FBN3: variants seen among roughly 807,000 people sequenced by gnomAD.
FBN3 encodes the protein fibrillin-3.
Under a neutral mutation model 330.1 loss-of-function variants are expected in FBN3, and 234 were observed. That is an observed-to-expected ratio of 0.71 (90% CI 0.64 to 0.79). FBN3 has a LOEUF of 0.79. Ranked by LOEUF, FBN3 falls within the 30% of genes least tolerant of loss-of-function variation. The probability of loss-of-function intolerance (pLI) is 0.00; values close to 1 mark genes in which losing one functional copy is unlikely to be tolerated. For missense variants in FBN3, 3,606 were observed against 3,886.9 expected (o/e 0.93, Z 1.92); for synonymous variants, 1,458 against 1,517.3 (o/e 0.96, Z 0.91).
At position 8,066,217 on chromosome 19, in the gene FBN3, C is replaced by T; in HGVS notation, c.8132G>A (p.Gly2711Asp). ...CCGGCCCAGGTGTGAGAGGTTCAGG[C>T]CCAAGGTCAGCAGGGCCTCGGAGTC... is the stretch of plus-strand genomic sequence containing the variant. Reference protein sequence around the residue: ...TLDSEALLTLGLNLSHLGRAE... With the variant: ...TLDSEALLTLDLNLSHLGRAE... The change falls in exon 64 of 64, where the codon GGC (glycine) becomes GAC (aspartate). Residue 2711 changes from glycine (G) to aspartate (D), a missense_variant. Transcript: ENST00000600128. 6.3e-7 allele frequency: 1 copy of T among 1,596,326 alleles called. No homozygotes were observed. The highest frequency in any genetic ancestry group is 1.1e-5 in the South Asian group (1 of 90,462).
At position 8,111,662 on chromosome 19, in the gene FBN3, C is replaced by CT; in HGVS notation, c.4069_4070insA (p.Gly1357GlufsTer9). On this transcript the variant is annotated frameshift_variant, in exon 32 of 64. Coordinates refer to ENST00000600128, the MANE Select transcript of FBN3 (RefSeq NM_032447.5). LOFTEE classifies it high-confidence loss of function. ...TCTAATCTCACCTTCGCAGAAGAAG[C>CT]CATCCCCGGCAAAGCCCTGGCGGCA... 6.3e-7 allele frequency: 1 copy of CT among 1,599,444 alleles called. No homozygotes were observed. Among genetic ancestry groups the CT allele is most frequent in the Non-Finnish European group, 8.5e-7 (1 of 1,170,882 alleles).
rs2081565429 is a variant in FBN3 at position 8,073,264 on chromosome 19, C to T, written c.7736G>A (p.Cys2579Tyr). 1 of 1,613,786 alleles carries T rather than the reference C, an allele frequency of 6.2e-7. No individual in the cohort carries two copies. Reference sequence around the variant, plus strand: ...AGTGTTGCGACAGGAGGCGCTCCCGCAGGTGGGGGGCGACAGGGCACACTC... The same window carrying T: ...AGTGTTGCGACAGGAGGCGCTCCCGTAGGTGGGGGGCGACAGGGCACACTC... ...ENECALSPPT[C>Y]GSASCRNTLG... is the part of the protein sequence containing the mutation. Residue 2579 changes from cysteine to tyrosine, a missense_variant, in exon 62 of 64, where the codon TGC (cysteine) becomes TAC (tyrosine). By Grantham distance (194) the Cys-to-Tyr change is radical (BLOSUM62 -2). Coordinates refer to ENST00000600128, the MANE Select transcript of FBN3 (RefSeq NM_032447.5).
chr19:8,098,252 A>C (rs902063065), intron 41 of FBN3, among the ~76,000 whole-genome samples: 2 of 152,188 alleles, frequency 1.3e-5, no homozygotes, highest in African/African-American at 4.8e-5. Flanking sequence ...CTAAGTGTCC[A>C]TCAATGGGGG....
intron 19 of FBN3, 49 bp downstream of exon 19, chr19:8,126,664 C>A: frequency 6.3e-7 from 1 of 1,590,754 alleles, no homozygotes; most frequent in Non-Finnish European, 8.6e-7. Flanking sequence ...GCACCCTGAC[C>A]CATAGACGCC....
chr19:8,075,026 G>C (rs1224089737), intron 61 of FBN3, 45 bp downstream of exon 61: 1 of 1,584,340 alleles, frequency 6.3e-7, no homozygotes, highest in South Asian at 1.2e-5. Flanking sequence ...GCTCTGAGCA[G>C]ATTCTGGTGG....
At chr19:8,086,602 G>A (rs2144664587) in intron 54 of FBN3, among the ~76,000 whole-genome samples, 1 of 147,104 alleles carries the variant, frequency 6.8e-6, no homozygotes, top group African/African-American at 2.5e-5. Flanking sequence ...GATTACAGGT[G>A]CCCGCCGCCA....
rs747158198 is a variant in FBN3, at chr19:8,111,192, C to A, written c.4085-9G>T. On this transcript the variant is annotated splice_polypyrimidine_tract_variant and intron_variant, in intron 32 of 63. Transcript: ENST00000600128. ...GGCACATTCATCCCTGTCTGAGGGG[C>A]CCCAAGATTCGGAGGGCTGGAGGCC... 1.0e-5 allele frequency: 16 copies of A among 1,582,188 alleles called. No homozygotes were observed. The Admixed American group carries it at 2.6e-4, about 26-fold the overall frequency.
At chr19:8,074,808 G>A in intron 61 of FBN3, 1 of 436,788 alleles carries the variant, frequency 2.3e-6, no homozygotes, top group Non-Finnish European at 4.1e-6. Flanking sequence ...TCACAAAATT[G>A]CAGACTTCAG....
intron 47 of FBN3, among the ~76,000 whole-genome samples, chr19:8,093,496 G>T (rs1402954740): frequency 6.6e-6 from 1 of 152,170 alleles, no homozygotes; most frequent in African/African-American, 2.4e-5. Flanking sequence ...GGTGGCGGGC[G>T]CCTGTAGTCC....
intron 13 of FBN3, among the ~76,000 whole-genome samples, chr19:8,134,309 T>C (rs929686633): frequency 6.6e-6 from 1 of 152,120 alleles, no homozygotes; most frequent in South Asian, 2.1e-4. Flanking sequence ...ACATGAGCAT[T>C]CACAGAAGCA....
chr19:8,148,423 A>G (rs1229136368), intron 1 of FBN3, among the ~76,000 whole-genome samples: 1 of 152,078 alleles, frequency 6.6e-6, no homozygotes, highest in Admixed American at 6.6e-5. Context: ...AGATGCACAA[A>G]CTAAGGCCAT....
rs540346606 is a variant in FBN3, at chr19:8,121,416, C to A, written c.3083-30G>T. ...GGGGAGAGGGGGCAGAGGCCGGAGGCGCCATGTGGGCCGCATCATGGGGCA... is the reference window on the plus strand; with the variant it reads ...GGGGAGAGGGGGCAGAGGCCGGAGGAGCCATGTGGGCCGCATCATGGGGCA... On this transcript the variant is annotated intron_variant, in intron 24 of 63. Coordinates refer to ENST00000600128, the MANE Select transcript of FBN3 (RefSeq NM_032447.5). The surrounding 1 kb of genome is among the most constrained non-coding windows in gnomAD (Gnocchi z 4.5). The A allele has an allele frequency of 6.4e-7, 1 of 1,561,006 alleles. No homozygotes were observed. The highest frequency in any genetic ancestry group is 1.9e-5 in the Admixed American group (1 of 53,230).
intron 55 of FBN3, 82 bp from the exon 56 acceptor site, chr19:8,085,651 T>C (rs1262226269): frequency 1.7e-6 from 2 of 1,151,052 alleles, no homozygotes; most frequent in East Asian, 5.5e-5. Flanking sequence ...TGGGGCAAGC[T>C]GTATTTTGGG....
At chr19:8,133,541 C>T (rs530673633) in intron 13 of FBN3, among the ~76,000 whole-genome samples, 5 of 152,124 alleles carry the variant, frequency 3.3e-5, no homozygotes, top group African/African-American at 4.8e-5. Flanking sequence ...ACCTCCGCCT[C>T]GCGGGTTCAA....
chr19:8,139,858 G>A, intron 8 of FBN3, among the ~76,000 whole-genome samples: 1 of 151,930 alleles, frequency 6.6e-6, no homozygotes, highest in East Asian at 2.0e-4. Context: ...CCCAGCAGCT[G>A]GGAGGGCCAC....
In FBN3 at chr19:8,130,641, A is replaced by AAAGAAAGG. The variant is rs1568440396; in HGVS notation, c.2044+593_2044+594insCCTTTCTT. On this transcript the variant is annotated intron_variant, in intron 16 of 63. Coordinates refer to ENST00000600128, the MANE Select transcript of FBN3 (RefSeq NM_032447.5). The stretch of plus-strand genomic sequence containing the variant: ...GAAAGAAAGAAAGAAAGAAAGAAAG[A>AAAGAAAGG]AAGGAAAGGAAAGGAAAGGAAAAGA... Among the ~76,000 whole-genome samples the AAAGAAAGG allele has an allele frequency of 9.7e-5, 4 of 41,204 alleles. 2 individuals are homozygous for AAAGAAAGG. Among genetic ancestry groups the AAAGAAAGG allele is most frequent in the African/African-American group, 5.9e-4 (4 of 6,812 alleles). 27.0% of individuals were successfully genotyped at this position (41,204 alleles called of 152,430 possible).
chr19:8,093,486 G>T (rs2082143920), intron 47 of FBN3, among the ~76,000 whole-genome samples: 1 of 152,140 alleles, frequency 6.6e-6, no homozygotes, highest in African/African-American at 2.4e-5. Flanking sequence ...AGCCGGGCAT[G>T]GTGGCGGGCG....
intron 46 of FBN3, among the ~76,000 whole-genome samples, chr19:8,095,027 G>A (rs1261032987): frequency 2.0e-5 from 3 of 151,870 alleles, no homozygotes; most frequent in Admixed American, 6.6e-5. Flanking sequence ...GGCTGGATGC[G>A]GTGGTGTGAT....
intron 49 of FBN3, 34 bp downstream of exon 49, chr19:8,090,065 C>G: frequency 6.2e-7 from 1 of 1,608,546 alleles, no homozygotes. Context: ...GAGGGCACAT[C>G]ATCCAGGGAG....
Sources: allele counts gnomAD v4.1 joint callset (sites outside exome capture counted in the v4.1 genomes callset), GRCh38; gene constraint gnomAD v4.1.1; non-coding constraint Gnocchi (gnomAD v3.1); transcripts MANE v1.5; gene names NCBI Gene and HGNC (gene_info 2026-07-23, HGNC 2026-07-21).